Variants in LPP observed in about 807,000 individuals in gnomAD.
LPP encodes the protein lipoma-preferred partner.
Under a neutral mutation model 60.4 loss-of-function variants are expected in LPP, and 38 were observed. That is an observed-to-expected ratio of 0.63 (90% CI 0.49 to 0.83). The LOEUF (loss-of-function observed/expected upper bound fraction) is 0.83, where lower values mean the gene tolerates loss of function less well. LPP is among the 40% of genes least tolerant of loss of function. The pLI, the probability that LPP is intolerant of heterozygous loss-of-function variation, is 0.00. For missense variants in LPP, 902 were observed against 783.6 expected (o/e 1.15, Z -1.80); for synonymous variants, 328 against 290.8 (o/e 1.13, Z -1.30).
intron 2 of LPP, among the ~76,000 whole-genome samples, chr3:188,331,859 C>T (rs1237786627): frequency 1.3e-5 from 2 of 152,158 alleles, no homozygotes; most frequent in African/African-American, 4.8e-5. Context: ...TCTTTCTAAA[C>T]CTCAGTTTCC....
intron 1 of LPP, among the ~76,000 whole-genome samples, chr3:188,161,815 G>A (rs1470551989): frequency 6.6e-6 from 1 of 152,192 alleles, no homozygotes; most frequent in Non-Finnish European, 1.5e-5. Flanking sequence ...CTTGAAACTT[G>A]CGCTTCATAC....
intron 7 of LPP, among the ~76,000 whole-genome samples, chr3:188,650,892 C>T (rs1370690644): frequency 6.6e-6 from 1 of 152,160 alleles, no homozygotes. Context: ...TTTCTGTCTA[C>T]TTGGTGGCAT....
chr3:188,218,497 A>C (rs1714525204), intron 1 of LPP, among the ~76,000 whole-genome samples: 1 of 152,174 alleles, frequency 6.6e-6, no homozygotes. Context: ...AAGTCATCTA[A>C]AACTCATTTC....
At chr3:188,622,755 C>T (rs1846027825) in intron 7 of LPP, among the ~76,000 whole-genome samples, 1 of 151,970 alleles carries the variant, frequency 6.6e-6, no homozygotes, top group Non-Finnish European at 1.5e-5. Context: ...CTGGGCCAGG[C>T]ACAGTGGCTC....
chr3:188,849,997 G>A (rs1046006649), intron 9 of LPP, among the ~76,000 whole-genome samples: 11 of 152,228 alleles, frequency 7.2e-5, no homozygotes, highest in African/African-American at 2.2e-4. Flanking sequence ...AGATGAGGAG[G>A]TTCTGACACA....
intron 5 of LPP, among the ~76,000 whole-genome samples, chr3:188,485,313 A>G (rs937748186): frequency 6.6e-6 from 1 of 152,188 alleles, no homozygotes; most frequent in African/African-American, 2.4e-5. Context: ...TGGTTCTCAG[A>G]CTGTGATCAT....
intron 2 of LPP, among the ~76,000 whole-genome samples, chr3:188,230,445 AT>A (rs1719479944): frequency 6.6e-6 from 1 of 152,124 alleles, no homozygotes; most frequent in South Asian, 2.1e-4. Context: ...ATTGAGATAA[AT>A]TATAGTCTCA....
chr3:188,335,713 G>C (rs560311358), intron 2 of LPP, among the ~76,000 whole-genome samples: 1 of 151,968 alleles, frequency 6.6e-6, no homozygotes, highest in African/African-American at 2.4e-5. Flanking sequence ...TCCTTTTCTG[G>C]CATTTTATTG....
In LPP at chr3:188,572,097, C is replaced by A. The variant is rs548940725; in HGVS notation, c.430-37064C>A. 6.6e-6 allele frequency among the ~76,000 whole-genome samples: 1 copy of A among 151,856 alleles called. No homozygotes were observed. The highest frequency in any genetic ancestry group is 1.5e-5 in the Non-Finnish European group (1 of 67,948). On this transcript the variant is annotated intron_variant, in intron 6 of 11. Coordinates refer to ENST00000617246, the MANE Select transcript of LPP (RefSeq NM_001375462.1). The surrounding 1 kb of genome is among the most constrained non-coding windows in gnomAD (Gnocchi z 4.1). ...GTATAATGAGGAAAACATAGAACTT[C>A]CATGATTTTGACTTGAAAAGTAATT...
Position 188,489,129 on chromosome 3 carries a change from AT to A in LPP, c.306+4431del, listed in dbSNP as rs571442453. 9.3e-4 allele frequency among the ~76,000 whole-genome samples: 142 copies of A among 152,284 alleles called. 2 individuals carry two copies. Among genetic ancestry groups the A allele is most frequent in the African/African-American group, 2.5e-3 (104 of 41,550 alleles). On this transcript the variant is annotated intron_variant, in intron 5 of 11. Coordinates refer to ENST00000617246, the MANE Select transcript of LPP (RefSeq NM_001375462.1). ...TCCTTTCTATTGTTTGAATCTTGTA[AT>A]TTTTTCCTACATAACAAAATGTTTA...
chr3:188,363,838 G>A (rs1770288982), intron 3 of LPP, among the ~76,000 whole-genome samples: 3 of 145,706 alleles, frequency 2.1e-5, no homozygotes, highest in Non-Finnish European at 1.5e-5. Context: ...CTGGGAGGTA[G>A]AGGTTGCAGT....
At chr3:188,447,805 A>T (rs924391184) in intron 4 of LPP, among the ~76,000 whole-genome samples, 4 of 151,810 alleles carry the variant, frequency 2.6e-5, no homozygotes, top group African/African-American at 9.7e-5. Flanking sequence ...ACTCTCCGGG[A>T]TTCTATAGCA....
intron 3 of LPP, among the ~76,000 whole-genome samples, chr3:188,395,255 A>G (rs1023851010): frequency 6.6e-6 from 1 of 152,044 alleles, no homozygotes; most frequent in Non-Finnish European, 1.5e-5. Context: ...GTCTCATTCT[A>G]TTGCCCAGGC....
chr3:188,177,471 C>T (rs538537465), intron 1 of LPP, among the ~76,000 whole-genome samples: 136 of 152,174 alleles, frequency 8.9e-4, no homozygotes, highest in African/African-American at 3.1e-3. Context: ...GATCCTGCCA[C>T]CTTGATTTCT....
intron 2 of LPP, chr3:188,240,293 T>C (rs1723676147): frequency 5.9e-6 from 1 of 168,200 alleles, no homozygotes; most frequent in African/African-American, 2.4e-5. Context: ...AGCTTACAGC[T>C]TGCCTAACAA....
chr3:188,525,737 C>T (rs1347342715), intron 6 of LPP, among the ~76,000 whole-genome samples: 5 of 152,028 alleles, frequency 3.3e-5, no homozygotes, highest in Non-Finnish European at 5.9e-5. Context: ...CTTTTCTTTC[C>T]TAAGGTTGTG....
chr3:188,285,554 A>G (rs1422105582), intron 2 of LPP, among the ~76,000 whole-genome samples: 1 of 152,090 alleles, frequency 6.6e-6, no homozygotes, highest in Non-Finnish European at 1.5e-5. Context: ...ATGTGCCATC[A>G]TGCCAGCTAA....
chr3:188,588,064 C>T (rs1837870510), intron 6 of LPP, among the ~76,000 whole-genome samples: 1 of 152,202 alleles, frequency 6.6e-6, no homozygotes. Context: ...ATTTTAAATT[C>T]ACATTTCACA....
intron 2 of LPP, among the ~76,000 whole-genome samples, chr3:188,278,233 C>T (rs1740685867): frequency 6.6e-6 from 1 of 152,166 alleles, no homozygotes; most frequent in East Asian, 1.9e-4. Flanking sequence ...CCCAATGTGG[C>T]ACAACTTGTA....
Sources: allele counts gnomAD v4.1 joint callset (sites outside exome capture counted in the v4.1 genomes callset), GRCh38; gene constraint gnomAD v4.1.1; non-coding constraint Gnocchi (gnomAD v3.1); transcripts MANE v1.5; gene names NCBI Gene and HGNC (gene_info 2026-07-23, HGNC 2026-07-21).